WWP1: variants seen among roughly 807,000 people sequenced by gnomAD.
WWP1 encodes the protein WW domain containing E3 ubiquitin protein ligase 1.
A neutral mutation model predicts 130.6 loss-of-function variants in WWP1; 49 were observed. The ratio of observed to expected loss-of-function variants is 0.38; its 90% CI spans 0.30 to 0.48. The LOEUF (loss-of-function observed/expected upper bound fraction) is 0.48, where lower values mean the gene tolerates loss of function less well. WWP1 is among the 20% of genes least tolerant of loss of function. WWP1 has a pLI of 0.99. For synonymous variants in WWP1, 332 were observed against 367.8 expected (o/e 0.90, Z 1.11); for missense variants, 809 against 1,100.6 (o/e 0.74, Z 3.75).
intron 24 of WWP1, among the ~76,000 whole-genome samples, chr8:86,463,602 G>T (rs773285554): frequency 2.7e-4 from 41 of 151,314 alleles, no homozygotes; most frequent in Non-Finnish European, 4.6e-4. Context: ...CACCATGCCC[G>T]GCCAATTAGT....
intron 7 of WWP1, among the ~76,000 whole-genome samples, chr8:86,399,332 A>G (rs1168672513): frequency 6.6e-6 from 1 of 152,176 alleles, no homozygotes; most frequent in African/African-American, 2.4e-5. Flanking sequence ...TCATTCTACC[A>G]TTTCAGAAAC....
At chr8:86,442,360 C>G (rs1281910346) in intron 17 of WWP1, 2 of 237,592 alleles carry the variant, frequency 8.4e-6, no homozygotes, top group East Asian at 1.6e-4. Context: ...CATACCCAAG[C>G]AAAAGTGTGG....
In WWP1 at chr8:86,448,174, T is replaced by C; in HGVS notation, c.2025T>C (p.Asp675=). 1 of 1,562,694 alleles carries C rather than the reference T, an allele frequency of 6.4e-7. No individual in the cohort carries two copies. The highest frequency in any genetic ancestry group is 8.6e-7 in the Non-Finnish European group (1 of 1,166,976). Residue 675 remains aspartate, a synonymous_variant, in exon 19 of 25, where the codon GAT becomes GAC. Coordinates refer to ENST00000517970, the MANE Select transcript of WWP1 (RefSeq NM_007013.4). ...AMALFHGKFI[D]TGFSLPFYKR... is the part of the protein sequence containing the mutation. The stretch of plus-strand genomic sequence containing the variant: ...CACTATTTCATGGAAAGTTTATCGA[T>C]ACTGGTTTCTCTTTACCATTCTACA...
intron 1 of WWP1, among the ~76,000 whole-genome samples, chr8:86,363,939 G>A (rs962186817): frequency 6.6e-6 from 1 of 152,112 alleles, no homozygotes; most frequent in South Asian, 2.1e-4. Context: ...TCCTTGAAAG[G>A]GTGGTTAGTT....
At chr8:86,444,990 C>T (rs1417270006) in intron 18 of WWP1, among the ~76,000 whole-genome samples, 1 of 152,074 alleles carries the variant, frequency 6.6e-6, no homozygotes, top group Non-Finnish European at 1.5e-5. Flanking sequence ...GTGCCAGCAT[C>T]GTCTTCTGGT....
At chr8:86,438,852 A>G (rs968233984) in intron 17 of WWP1, among the ~76,000 whole-genome samples, 179 bp downstream of exon 17, 14 of 152,112 alleles carry the variant, frequency 9.2e-5, no homozygotes, top group East Asian at 1.9e-4. Flanking sequence ...TTATCTTTCT[A>G]TACATCTTTA....
intron 11 of WWP1, among the ~76,000 whole-genome samples, chr8:86,429,129 C>A: frequency 6.6e-6 from 1 of 152,180 alleles, no homozygotes; most frequent in Non-Finnish European, 1.5e-5. Context: ...ATATACTCTG[C>A]ACTATGGGCC....
chr8:86,442,126 A>T (rs1447668587), intron 17 of WWP1: 1 of 152,542 alleles, frequency 6.6e-6, no homozygotes, highest in East Asian at 1.9e-4. Context: ...TTGTATATAC[A>T]TCCTAGAGTG....
At chr8:86,430,299 A>G (rs746337366) in intron 11 of WWP1, among the ~76,000 whole-genome samples, 1 of 152,054 alleles carries the variant, frequency 6.6e-6, no homozygotes, top group African/African-American at 2.4e-5. Flanking sequence ...TATTTTTGAG[A>G]CAGCTTCTCG....
At chr8:86,391,878 G>A (rs145206055) in intron 5 of WWP1, among the ~76,000 whole-genome samples, 1 of 152,238 alleles carries the variant, frequency 6.6e-6, no homozygotes, top group African/African-American at 2.4e-5. Context: ...TTAAAGGAAT[G>A]TCTTTCAGGC....
intron 22 of WWP1, 138 bp downstream of exon 22, chr8:86,458,163 G>C (rs1052056131): frequency 1.6e-6 from 1 of 642,038 alleles, no homozygotes; most frequent in Non-Finnish European, 2.6e-6. Flanking sequence ...AAATCTAAGC[G>C]AATAGTGTGA....
chr8:86,381,486 A>G lies in WWP1; in HGVS notation c.210-19A>G. 6.3e-7 allele frequency: 1 copy of G among 1,598,090 alleles called. No homozygotes were observed. The highest frequency in any genetic ancestry group is 1.1e-5 in the South Asian group (1 of 87,106). On this transcript the variant is annotated intron_variant, in intron 4 of 24. Coordinates refer to ENST00000517970, the MANE Select transcript of WWP1 (RefSeq NM_007013.4). ...CAACGTCTACTCCTGTATTTTTGTT[A>G]ATAATTTTACCCTTCCAGAAATGTT... is the stretch of plus-strand genomic sequence containing the variant.
chr8:86,448,524 A>G lies in WWP1; in HGVS notation c.2273+11A>G, dbSNP rs760988893. 46 of 1,607,174 alleles carry G rather than the reference A, an allele frequency of 2.9e-5. No individual in the cohort carries two copies. In the South Asian group the frequency reaches 4.7e-4, roughly 16 times the overall value. On this transcript the variant is annotated intron_variant, in intron 20 of 24. Coordinates refer to ENST00000517970, the MANE Select transcript of WWP1 (RefSeq NM_007013.4). ...AGATGAATATATTGGGTAAGGTGAT[A>G]TACCTTATTAAGCTTAATTTCTAGA...
chr8:86,353,514 ACGGAGT>A (rs553564311), intron 1 of WWP1, among the ~76,000 whole-genome samples: 131 of 151,712 alleles, frequency 8.6e-4, no homozygotes, highest in Non-Finnish European at 1.6e-3. Flanking sequence ...TTCTTCTGAG[ACGGAGT>A]CTCACTCTGT....
chr8:86,382,072 A>C (rs548190154), intron 5 of WWP1, among the ~76,000 whole-genome samples: 2 of 152,204 alleles, frequency 1.3e-5, no homozygotes, highest in East Asian at 3.9e-4. Flanking sequence ...GAGTAATATA[A>C]AAATTTTCTA....
At chr8:86,423,011 A>G (rs1166825203) in intron 9 of WWP1, among the ~76,000 whole-genome samples, 3 of 150,200 alleles carry the variant, frequency 2.0e-5, no homozygotes, top group Non-Finnish European at 4.4e-5. Flanking sequence ...TCAGTATATT[A>G]TTTCATAGAC....
chr8:86,356,906 AG>A (rs1231435483), intron 1 of WWP1, among the ~76,000 whole-genome samples: 4 of 150,020 alleles, frequency 2.7e-5, no homozygotes, highest in Non-Finnish European at 5.9e-5. Context: ...CACAACTGTA[AG>A]CATAAATTAA....
intron 23 of WWP1, 53 bp downstream of exon 23, chr8:86,461,373 G>A: frequency 6.9e-7 from 1 of 1,449,278 alleles, no homozygotes; most frequent in Non-Finnish European, 9.7e-7. Context: ...GATAATAATG[G>A]CCTTTGGACA....
chr8:86,363,016 A>G (rs1478836996), intron 1 of WWP1, among the ~76,000 whole-genome samples: 1 of 152,206 alleles, frequency 6.6e-6, no homozygotes, highest in Non-Finnish European at 1.5e-5. Flanking sequence ...AGTACTCGAT[A>G]ATTCATAAAG....
Sources: allele counts gnomAD v4.1 joint callset (sites outside exome capture counted in the v4.1 genomes callset), GRCh38; gene constraint gnomAD v4.1.1; transcripts MANE v1.5; gene names NCBI Gene and HGNC (gene_info 2026-07-23, HGNC 2026-07-21).